Variants in CHUK observed in about 807,000 individuals in gnomAD.
CHUK encodes component of inhibitor of nuclear factor kappa B kinase complex.
In CHUK, 35 loss-of-function variants were observed where a neutral mutation model predicts 104.8. That is an observed-to-expected ratio of 0.33 (90% CI 0.26 to 0.44). CHUK has a LOEUF of 0.44. Among genes scored for constraint, CHUK ranks in the 20% least tolerant of loss-of-function variants. The pLI is 1.00. For synonymous variants in CHUK, 276 were observed against 291.9 expected, an observed-to-expected ratio of 0.95 and a Z score of 0.56; for missense variants, 663 against 902.7, an observed-to-expected ratio of 0.73 and a Z score of 3.40.
In CHUK at chr10:100,204,516, C is replaced by T. The variant is rs144134728; in HGVS notation, c.1497G>A (p.Thr499=). The stretch of plus-strand genomic sequence containing the variant: ...TACACAGACACTTACATATCCCATA[C>T]GTCATCTGCTCGCTGTATCTCTCCA... ...LDLERYSEQM[T]YGISSEKMLK... is the part of the protein sequence containing the mutation. The change falls in exon 13 of 21, where the codon ACG becomes ACA. Residue 499 remains threonine, a synonymous_variant. Coordinates refer to ENST00000370397, the MANE Select transcript of CHUK (RefSeq NM_001278.5). 2.0e-4 allele frequency: 329 copies of T among 1,613,274 alleles called. 2 individuals are homozygous for T. The African/African-American group carries it at 2.8e-3, about 14-fold the overall frequency.
chr10:100,219,047 C>A lies in CHUK; in HGVS notation c.650G>T (p.Gly217Val). The change falls in exon 7 of 21, where the codon GGA becomes GTA. Residue 217 changes from glycine to valine, a missense_variant. Physicochemically the swap from Gly to Val is moderately radical, Grantham distance 109. Around this residue, in one of 5 missense-constraint regions of CHUK, gnomAD observed 200 missense variants for 333.0 expected, o/e 0.60. Coordinates refer to ENST00000370397, the MANE Select transcript of CHUK (RefSeq NM_001278.5). The stretch of plus-strand genomic sequence containing the variant: ...CAGATGATGCAAAAAAGGCCTATAT[C>A]CAGCAATACATTCAAATACCATGGT... Reference protein sequence around the residue: ...FGTMVFECIAGYRPFLHHLQP... With the variant: ...FGTMVFECIAVYRPFLHHLQP... 1.7e-5 allele frequency: 27 copies of A among 1,613,924 alleles called. No homozygotes were observed. Among genetic ancestry groups the A allele is most frequent in the Non-Finnish European group, 2.3e-5 (27 of 1,179,862 alleles).
intron 19 of CHUK, among the ~76,000 whole-genome samples, chr10:100,191,625 G>C (rs977800765): frequency 6.6e-6 from 1 of 152,112 alleles, no homozygotes; most frequent in Admixed American, 6.5e-5. Context: ...TCTTCTATAT[G>C]GCCTCTAGCT....
intron 9 of CHUK, among the ~76,000 whole-genome samples, chr10:100,212,865 C>T (rs942518733): frequency 6.6e-6 from 1 of 151,722 alleles, no homozygotes; most frequent in Non-Finnish European, 1.5e-5. Context: ...ATTAGCTGGG[C>T]TTGGTGGCAC....
At chr10:100,215,532 A>T (rs754855473) in intron 9 of CHUK, among the ~76,000 whole-genome samples, 33 of 152,306 alleles carry the variant, frequency 2.2e-4, no homozygotes, top group Non-Finnish European at 2.9e-4. Context: ...AGGCAAAAAA[A>T]AATAATAATT....
chr10:100,210,091 A>ATTTATTT (rs58570772), intron 9 of CHUK, among the ~76,000 whole-genome samples: 4 of 121,802 alleles, frequency 3.3e-5, no homozygotes, highest in African/African-American at 1.2e-4. Flanking sequence ...TTATTTATTT[A>ATTTATTT]TTTTTTTTTT....
intron 10 of CHUK, among the ~76,000 whole-genome samples, chr10:100,207,768 G>C (rs989524612): frequency 6.6e-6 from 1 of 152,074 alleles, no homozygotes; most frequent in African/African-American, 2.4e-5. Context: ...TCCTGGGGTG[G>C]ACAGAATGGA....
intron 16 of CHUK, chr10:100,195,897 C>T (rs1845314312): frequency 6.6e-6 from 1 of 152,224 alleles, no homozygotes; most frequent in Non-Finnish European, 1.5e-5. Context: ...AATGCTATCA[C>T]TGTGTATCTG....
At chr10:100,193,874 CA>C (rs1253875647) in intron 18 of CHUK, 109 bp downstream of exon 18, 17 of 969,144 alleles carry the variant, frequency 1.8e-5, no homozygotes, top group Non-Finnish European at 2.6e-5. Context: ...CATCCCAATG[CA>C]AAATATACAT....
rs1382129995 is a variant in CHUK, at chr10:100,204,797, C to G, written c.1356-140G>C. 22 of 777,290 alleles carry G rather than the reference C, an allele frequency of 2.8e-5. No individual in the cohort carries two copies. The South Asian group carries it at 3.9e-4, about 14-fold the overall frequency. 48.1% of individuals were successfully genotyped at this position (777,290 alleles called of 1,614,324 possible). A position where few individuals can be genotyped will look rare whatever the true frequency, so the allele number is the denominator to read the frequency against. On this transcript the variant is annotated intron_variant, in intron 12 of 20. Coordinates refer to ENST00000370397, the MANE Select transcript of CHUK (RefSeq NM_001278.5). Reference sequence around the variant, plus strand: ...TATCAATCTATGAGAAATAACTGAGCTCTAGAATCTGATCTCTAAAGACTT... The same window carrying G: ...TATCAATCTATGAGAAATAACTGAGGTCTAGAATCTGATCTCTAAAGACTT...
intron 12 of CHUK, 21 bp downstream of exon 12, chr10:100,205,055 T>A (rs1238096882): frequency 6.2e-7 from 1 of 1,613,930 alleles, no homozygotes; most frequent in African/African-American, 1.3e-5. Context: ...ATTGTGCTTA[T>A]AAACAACAGA....
chr10:100,191,704 G>C (rs1439152034), intron 19 of CHUK, among the ~76,000 whole-genome samples: 1 of 152,184 alleles, frequency 6.6e-6, no homozygotes. Flanking sequence ...GCCACTATTA[G>C]CTTAGAATGA....
At chr10:100,228,993 G>GCGCGCACACACACA (rs764914118) in intron 1 of CHUK, among the ~76,000 whole-genome samples, 58 of 133,556 alleles carry the variant, frequency 4.3e-4, no homozygotes, top group African/African-American at 1.7e-3. Flanking sequence ...GCGCGCGCGC[G>GCGCGCACACACACA]CACACACACA....
At chr10:100,202,751 A>AGGG (rs1340578721) in intron 13 of CHUK, among the ~76,000 whole-genome samples, 1 of 152,086 alleles carries the variant, frequency 6.6e-6, no homozygotes, top group Non-Finnish European at 1.5e-5. Flanking sequence ...TGGGTGGATA[A>AGGG]AGGAAAAAAC....
chr10:100,216,749 T>C (rs1167441055), intron 9 of CHUK, among the ~76,000 whole-genome samples: 2 of 152,188 alleles, frequency 1.3e-5, no homozygotes, highest in African/African-American at 4.8e-5. Flanking sequence ...GTAAAGACTA[T>C]TGATGAGAGT....
At chr10:100,207,792 T>C (rs1032325097) in intron 10 of CHUK, among the ~76,000 whole-genome samples, 1 of 152,134 alleles carries the variant, frequency 6.6e-6, no homozygotes, top group Non-Finnish European at 1.5e-5. Flanking sequence ...TAACAGTTAA[T>C]GGACTGTTAA....
intron 6 of CHUK, 56 bp downstream of exon 6, chr10:100,219,214 C>G (rs1845930809): frequency 6.4e-7 from 1 of 1,560,034 alleles, no homozygotes; most frequent in African/African-American, 1.4e-5. Context: ...TCATGATCTT[C>G]AGAAATAAGA....
At position 100,198,227 on chromosome 10, in the gene CHUK, AC is replaced by A. The variant is rs200205055; in HGVS notation, c.1729+1743del. Among the ~76,000 whole-genome samples, 1,052 of 152,356 alleles carry A rather than the reference AC, an allele frequency of 6.9e-3. 8 individuals carry two copies. Among genetic ancestry groups the A allele is most frequent in the Middle Eastern group, 0.014 (4 of 294 alleles). ...TGGTATCTTCCCTGAAAGAGGCCAG[AC>A]AACTAGCAACGTAAACAATTACTGA... On this transcript the variant is annotated intron_variant, in intron 16 of 20. Transcript: ENST00000370397.
chr10:100,226,474 A>G (rs145240439), intron 1 of CHUK, among the ~76,000 whole-genome samples: 84 of 152,294 alleles, frequency 5.5e-4, no homozygotes, highest in African/African-American at 1.9e-3. Flanking sequence ...AAAAACTCCA[A>G]TCCTAATGTA....
chr10:100,217,270 G>C (rs1208621283), intron 9 of CHUK, among the ~76,000 whole-genome samples: 1 of 139,868 alleles, frequency 7.1e-6, no homozygotes, highest in Non-Finnish European at 1.5e-5. Flanking sequence ...AAAAAAAAAA[G>C]AACTATGTTA....
Sources: allele counts gnomAD v4.1 joint callset (sites outside exome capture counted in the v4.1 genomes callset), GRCh38; gene constraint gnomAD v4.1.1; regional missense constraint gnomAD v4.1.1; transcripts MANE v1.5; gene names NCBI Gene and HGNC (gene_info 2026-07-23, HGNC 2026-07-21).